Variants in CNTN4 observed in about 807,000 individuals in gnomAD.
The protein encoded by CNTN4 is contactin-4.
A neutral mutation model predicts 122.5 loss-of-function variants in CNTN4; 77 were observed. The ratio of observed to expected loss-of-function variants is 0.63; its 90% CI spans 0.52 to 0.76. The LOEUF is 0.76. Ranked by LOEUF, CNTN4 falls within the 30% of genes least tolerant of loss-of-function variation. The pLI, the probability that CNTN4 is intolerant of heterozygous loss-of-function variation, is 0.00. For synonymous variants in CNTN4, 512 were observed against 447.0 expected (o/e 1.15, Z -1.83); for missense variants, 1,256 against 1,259.1 (o/e 1.00, Z 0.04).
At chr3:2,925,955 T>C (rs937845627) in intron 13 of CNTN4, among the ~76,000 whole-genome samples, 176 bp downstream of exon 13, 1 of 152,222 alleles carries the variant, frequency 6.6e-6, no homozygotes, top group African/African-American at 2.4e-5. Flanking sequence ...ATAGTCCTTC[T>C]GGATTTGGGA....
At chr3:2,837,513 T>A (rs1426190841) in intron 7 of CNTN4, among the ~76,000 whole-genome samples, 27 of 152,150 alleles carry the variant, frequency 1.8e-4, no homozygotes, top group Admixed American at 1.2e-3. Flanking sequence ...GTGCATTTCA[T>A]CTGCACACAG....
At chr3:2,629,423 T>C in intron 4 of CNTN4, 2 of 350,722 alleles carry the variant, frequency 5.7e-6, no homozygotes, top group East Asian at 1.7e-4. Flanking sequence ...AAAAATACTT[T>C]TCAAATATTC....
At chr3:2,527,788 A>G (rs2077454477) in intron 3 of CNTN4, among the ~76,000 whole-genome samples, 1 of 152,098 alleles carries the variant, frequency 6.6e-6, no homozygotes, top group Non-Finnish European at 1.5e-5. Flanking sequence ...TTGCTCTTCA[A>G]CAAAAATAGA....
intron 4 of CNTN4, among the ~76,000 whole-genome samples, chr3:2,579,891 G>A (rs1260743820): frequency 6.6e-6 from 1 of 152,170 alleles, no homozygotes; most frequent in Non-Finnish European, 1.5e-5. Context: ...TGCCATATTA[G>A]TTTCTTAGAA....
At chr3:2,849,308 T>C (rs1322002572) in intron 7 of CNTN4, among the ~76,000 whole-genome samples, 1 of 152,230 alleles carries the variant, frequency 6.6e-6, no homozygotes, top group African/African-American at 2.4e-5. Context: ...CAGTTTGGGA[T>C]TATGAAAAAG....
intron 2 of CNTN4, among the ~76,000 whole-genome samples, chr3:2,149,988 T>G (rs1462908505): frequency 6.6e-6 from 1 of 151,608 alleles, no homozygotes; most frequent in Non-Finnish European, 1.5e-5. Context: ...TTTTCTGTAT[T>G]ATATCAAGTA....
intron 3 of CNTN4, among the ~76,000 whole-genome samples, chr3:2,489,215 C>T (rs1361994764): frequency 2.6e-5 from 4 of 152,040 alleles, no homozygotes; most frequent in South Asian, 2.1e-4. Flanking sequence ...TATTTTTGCC[C>T]TCTCAACAAA....
chr3:2,313,692 C>A (rs1056915189), intron 2 of CNTN4, among the ~76,000 whole-genome samples: 1 of 151,858 alleles, frequency 6.6e-6, no homozygotes, highest in Non-Finnish European at 1.5e-5. Flanking sequence ...CTTAACCATT[C>A]CTGACTGAAA....
At chr3:3,051,196 C>T (rs1701230998) in intron 23 of CNTN4, among the ~76,000 whole-genome samples, 1 of 152,176 alleles carries the variant, frequency 6.6e-6, no homozygotes, top group African/African-American at 2.4e-5. Context: ...AGTGTTCAGA[C>T]ATTAAATAGT....
chr3:2,317,741 A>C (rs1249001262), intron 2 of CNTN4, among the ~76,000 whole-genome samples: 3 of 152,180 alleles, frequency 2.0e-5, no homozygotes, highest in Non-Finnish European at 4.4e-5. Context: ...ACAGTTTGTA[A>C]AATGCTAGGT....
rs961984879 is a variant in CNTN4 at position 2,430,312 on chromosome 3, C to A, written c.-89+91079C>A. On this transcript the variant is annotated intron_variant, in intron 3 of 24. Transcript: ENST00000418658. Reference sequence around the variant, plus strand: ...TGGCGGGCGCCTGTAGTCCCAGCTACTTGGGAGGCTGAGGCAGGAGAATGG... The same window carrying A: ...TGGCGGGCGCCTGTAGTCCCAGCTAATTGGGAGGCTGAGGCAGGAGAATGG... Among the ~76,000 whole-genome samples, 13 of 151,046 alleles carry A rather than the reference C, an allele frequency of 8.6e-5. 1 individual carries two copies. The highest frequency in any genetic ancestry group is 2.7e-4 in the African/African-American group (11 of 41,062).
rs371644620 is a variant in CNTN4, at chr3:2,393,779, G to A, written c.-89+54546G>A. ...GAAAGATAGGAAAGAATCATTGTAAGTCCACTATGCTCTTCAAATAATATA... is the reference window on the plus strand; with the variant it reads ...GAAAGATAGGAAAGAATCATTGTAAATCCACTATGCTCTTCAAATAATATA... On this transcript the variant is annotated intron_variant, in intron 3 of 24. Coordinates refer to ENST00000418658, the MANE Select transcript of CNTN4 (RefSeq NM_175607.3). Among the ~76,000 whole-genome samples the A allele has an allele frequency of 1.2e-3, 186 of 152,196 alleles. 9 individuals carry two copies. In the South Asian group the frequency reaches 0.037, roughly 31 times the overall value.
chr3:2,501,642 G>A (rs1048460385), intron 3 of CNTN4, among the ~76,000 whole-genome samples: 5 of 152,078 alleles, frequency 3.3e-5, no homozygotes, highest in African/African-American at 1.2e-4. Context: ...TTCTGTACCT[G>A]TGTATTTGAT....
chr3:2,546,428 G>A (rs1243891638), intron 3 of CNTN4, among the ~76,000 whole-genome samples: 1 of 152,006 alleles, frequency 6.6e-6, no homozygotes, highest in African/African-American at 2.4e-5. Context: ...ACTGAGTACT[G>A]CATATTGTTA....
chr3:2,285,992 T>C (rs920321666), intron 2 of CNTN4, among the ~76,000 whole-genome samples: 4 of 152,182 alleles, frequency 2.6e-5, no homozygotes, highest in African/African-American at 9.7e-5. Context: ...TGTATATATT[T>C]TGATGCTTTA....
intron 7 of CNTN4, among the ~76,000 whole-genome samples, chr3:2,858,479 A>G (rs531254325): frequency 4.6e-5 from 7 of 152,284 alleles, no homozygotes; most frequent in African/African-American, 1.4e-4. Context: ...TAATCCCAGT[A>G]CTTTGGGAGG....
chr3:2,917,839 T>C (rs1453848624), intron 12 of CNTN4, among the ~76,000 whole-genome samples: 1 of 152,220 alleles, frequency 6.6e-6, no homozygotes, highest in African/African-American at 2.4e-5. Flanking sequence ...AGTTAATCCA[T>C]GCTTCCATTG....
intron 3 of CNTN4, among the ~76,000 whole-genome samples, chr3:2,534,450 ATCTT>A (rs1290307038): frequency 6.6e-6 from 1 of 152,114 alleles, no homozygotes; most frequent in Non-Finnish European, 1.5e-5. Context: ...ATTAGTCTAT[ATCTT>A]TCTTAAGCCT....
chr3:2,756,138 T>A (rs999643477), intron 6 of CNTN4, among the ~76,000 whole-genome samples: 3 of 152,226 alleles, frequency 2.0e-5, no homozygotes, highest in Admixed American at 6.5e-5. Context: ...GTAGTACATA[T>A]ATTTTCACTT....
Sources: allele counts gnomAD v4.1 joint callset (sites outside exome capture counted in the v4.1 genomes callset), GRCh38; gene constraint gnomAD v4.1.1; transcripts MANE v1.5; gene names NCBI Gene and HGNC (gene_info 2026-07-23, HGNC 2026-07-21).